The following NOP58 variants were observed in gnomAD, a reference collection of about 807,000 sequenced individuals.
NOP58 encodes the protein NOP58 ribonucleoprotein, also known as nucleolar protein 58.
In NOP58, 44 loss-of-function variants were observed where a neutral mutation model predicts 71.2. That is an observed-to-expected ratio of 0.62 (90% CI 0.49 to 0.79). The LOEUF (loss-of-function observed/expected upper bound fraction) is 0.79, where lower values mean the gene tolerates loss of function less well. NOP58 is among the 30% of genes least tolerant of loss of function. The pLI, the probability that NOP58 is intolerant of heterozygous loss-of-function variation, is 0.00. For synonymous variants in NOP58, 228 were observed against 200.3 expected, an observed-to-expected ratio of 1.14 and a Z score of -1.17; for missense variants, 538 against 620.2, an observed-to-expected ratio of 0.87 and a Z score of 1.41.
chr2:202,271,952 C>T (rs114479871), intron 1 of NOP58, among the ~76,000 whole-genome samples: 90 of 152,230 alleles, frequency 5.9e-4, no homozygotes, highest in African/African-American at 1.9e-3. Context: ...TCTGGAAAAA[C>T]AACACAGCTA....
intron 1 of NOP58, among the ~76,000 whole-genome samples, chr2:202,270,850 A>C (rs1369064774): frequency 1.3e-5 from 2 of 151,978 alleles, no homozygotes; most frequent in Non-Finnish European, 2.9e-5. Flanking sequence ...AGCACTTTGG[A>C]AGGCTGGGGT....
At chr2:202,298,281 A>G (rs1225813735) in intron 12 of NOP58, among the ~76,000 whole-genome samples, 1 of 152,162 alleles carries the variant, frequency 6.6e-6, no homozygotes, top group Non-Finnish European at 1.5e-5. Flanking sequence ...TCATATACAT[A>G]TTTAATTTAT....
chr2:202,296,294 C>T lies in NOP58; in HGVS notation c.1071+457C>T, dbSNP rs190500418. On this transcript the variant is annotated intron_variant, in intron 10 of 14. Coordinates refer to ENST00000264279, the MANE Select transcript of NOP58 (RefSeq NM_015934.5). ...CACTGCAACCTCCAGCTCCCTGGTT[C>T]AAACGATTCTCCTGCCTCCCTGCCT... 1.4e-4 allele frequency among the ~76,000 whole-genome samples: 21 copies of T among 152,180 alleles called. No individual in the cohort carries two copies. The East Asian group carries it at 3.5e-3, about 25-fold the overall frequency.
intron 2 of NOP58, among the ~76,000 whole-genome samples, chr2:202,276,861 G>A (rs1421523771): frequency 6.6e-5 from 10 of 151,992 alleles, no homozygotes; most frequent in South Asian, 2.1e-4. Context: ...AAAGGGGGCC[G>A]GGCACGGTGG....
intron 9 of NOP58, among the ~76,000 whole-genome samples, chr2:202,294,010 G>T (rs1158939893): frequency 6.6e-6 from 1 of 151,304 alleles, no homozygotes; most frequent in Non-Finnish European, 1.5e-5. Flanking sequence ...AATGGCAGGG[G>T]TTAATAGAAG....
intron 6 of NOP58, among the ~76,000 whole-genome samples, chr2:202,288,799 G>A (rs1242300024): frequency 6.6e-6 from 1 of 151,034 alleles, no homozygotes; most frequent in Non-Finnish European, 1.5e-5. Flanking sequence ...TGGACAACAT[G>A]AGCAACACTC....
intron 1 of NOP58, among the ~76,000 whole-genome samples, chr2:202,273,145 A>T (rs1006418334): frequency 6.6e-6 from 1 of 152,202 alleles, no homozygotes; most frequent in Non-Finnish European, 1.5e-5. Flanking sequence ...TAAATTAATT[A>T]AAAAATACTA....
intron 9 of NOP58, chr2:202,293,276 GAAAA>G (rs61054070): frequency 3.9e-4 from 114 of 295,936 alleles, no homozygotes; most frequent in Non-Finnish European, 6.9e-4. Context: ...TGTAGAGAAA[GAAAA>G]AAAAAAGAAA....
At chr2:202,291,520 G>A in intron 8 of NOP58, 1 of 275,214 alleles carries the variant, frequency 3.6e-6, no homozygotes, top group South Asian at 8.4e-5. Context: ...TAAGATGGCA[G>A]AGAAGGCCAG....
At position 202,265,918 on chromosome 2, in the gene NOP58, G is replaced by C. The variant is rs763626549; in HGVS notation, c.-24G>C. 1 of 1,614,164 alleles carries C rather than the reference G, an allele frequency of 6.2e-7. No individual in the cohort carries two copies. ...GACTCTACAGCTTCTGGCAGGCCGTGCGGCGCCCTGACCCGGCCTCACCAT... is the reference window on the plus strand; with the variant it reads ...GACTCTACAGCTTCTGGCAGGCCGTCCGGCGCCCTGACCCGGCCTCACCAT... On this transcript the variant is annotated 5_prime_UTR_variant, in exon 1 of 15. Coordinates refer to ENST00000264279, the MANE Select transcript of NOP58 (RefSeq NM_015934.5).
intron 1 of NOP58, among the ~76,000 whole-genome samples, chr2:202,269,152 ATTAT>A (rs897885578): frequency 6.6e-6 from 1 of 151,410 alleles, no homozygotes; most frequent in African/African-American, 2.4e-5. Context: ...TGCCTGGCTA[ATTAT>A]TTATTTATTT....
At chr2:202,294,840 G>A (rs899251806) in intron 9 of NOP58, among the ~76,000 whole-genome samples, 2 of 152,006 alleles carry the variant, frequency 1.3e-5, no homozygotes, top group African/African-American at 2.4e-5. Context: ...AGTGGTGGGT[G>A]CCTGTAATCC....
intron 10 of NOP58, among the ~76,000 whole-genome samples, chr2:202,296,832 C>T (rs2105855379): frequency 6.6e-6 from 1 of 152,166 alleles, no homozygotes; most frequent in East Asian, 1.9e-4. Context: ...CTCCCAGGTT[C>T]ACGCCATTCT....
At chr2:202,295,118 A>G (rs939348308) in intron 9 of NOP58, among the ~76,000 whole-genome samples, 7 of 152,216 alleles carry the variant, frequency 4.6e-5, no homozygotes, top group African/African-American at 1.7e-4. Context: ...GGATAGCAAG[A>G]GATTTAAAAC....
intron 12 of NOP58, chr2:202,299,956 TTGAG>T (rs1321056975): frequency 1.2e-5 from 3 of 246,348 alleles, no homozygotes; most frequent in African/African-American, 4.6e-5. Context: ...CCCATGCTGA[TTGAG>T]TGTTTTCCTG....
At chr2:202,272,849 T>A (rs1688531887) in intron 1 of NOP58, among the ~76,000 whole-genome samples, 1 of 152,212 alleles carries the variant, frequency 6.6e-6, no homozygotes, top group Non-Finnish European at 1.5e-5. Flanking sequence ...TAAAAGATAC[T>A]TTCGGCCTGG....
At chr2:202,302,083 C>CTTTTTTTTTTTTTTTTTTTTTTTTTTTT (rs71031885) in intron 13 of NOP58, among the ~76,000 whole-genome samples, 13 of 90,586 alleles carry the variant, frequency 1.4e-4, no homozygotes, top group Non-Finnish European at 1.7e-4. Context: ...TTTTTTTTTT[C>CTTTTTTTTTTTTTTTTTTTTTTTTTTTT]TTTTTTTTTT....
In NOP58 at chr2:202,291,208, A is replaced by G. The variant is rs1261241572; in HGVS notation, c.718A>G (p.Ile240Val). The G allele has an allele frequency of 2.5e-6, 4 of 1,612,976 alleles. No individual in the cohort carries two copies. Among genetic ancestry groups the G allele is most frequent in the Admixed American group, 1.7e-5 (1 of 59,704 alleles). ...AGCAGAAGTGAAAGCAGCTGCAGAGATATCAATGGGAACAGAGGTTTCAGA... is the reference window on the plus strand; with the variant it reads ...AGCAGAAGTGAAAGCAGCTGCAGAGGTATCAATGGGAACAGAGGTTTCAGA... Reference protein sequence around the residue: ...VEAEVKAAAEISMGTEVSEED... With the variant: ...VEAEVKAAAEVSMGTEVSEED... The change falls in exon 8 of 15, where the codon ATA becomes GTA. Residue 240 changes from isoleucine to valine, a missense_variant. Transcript: ENST00000264279.
chr2:202,273,243 A>G (rs928288766), intron 1 of NOP58, among the ~76,000 whole-genome samples: 15 of 151,908 alleles, frequency 9.9e-5, no homozygotes, highest in African/African-American at 1.9e-4. Context: ...TTCAAAGACT[A>G]TGTTATGTCA....
Sources: gnomAD v4.1 joint callset for allele counts (sites outside exome capture counted in the v4.1 genomes callset) on GRCh38, gnomAD v4.1.1 for gene constraint, MANE v1.5 for transcripts, NCBI Gene and HGNC (gene_info 2026-07-23, HGNC 2026-07-21) for gene names.